METTL15: variants seen among roughly 807,000 people sequenced by gnomAD.
METTL15 encodes the protein methyltransferase 15, mitochondrial 12S rRNA N4-cytidine, also known as 12S rRNA N(4)-cytidine methyltransferase METTL15.
METTL15 carries 34 observed loss-of-function variants against 38.3 expected under a neutral mutation model. The ratio of observed to expected loss-of-function variants is 0.89; its 90% CI spans 0.68 to 1.18. METTL15 has a LOEUF of 1.18. Among genes scored for constraint, METTL15 ranks in the 50% most tolerant of loss-of-function variants. The pLI, the probability that METTL15 is intolerant of heterozygous loss-of-function variation, is 0.00. For synonymous variants in METTL15, 162 were observed against 170.9 expected (o/e 0.95, Z 0.41); for missense variants, 438 against 498.4 (o/e 0.88, Z 1.15).
chr11:28,426,485 G>C (rs1850865424), intron 6 of METTL15, among the ~76,000 whole-genome samples: 1 of 151,918 alleles, frequency 6.6e-6, no homozygotes, highest in Non-Finnish European at 1.5e-5. Context: ...CTCTGTCTTT[G>C]AGGAATCTCC....
At chr11:28,459,133 T>A (rs550376041) in intron 6 of METTL15, among the ~76,000 whole-genome samples, 1 of 152,252 alleles carries the variant, frequency 6.6e-6, no homozygotes, top group African/African-American at 2.4e-5. Context: ...GTCTTCCATA[T>A]CTTTTGGTAT....
rs936459244 is a variant in METTL15 at position 28,445,417 on chromosome 11, T to C, written c.*424+21053T>C. On this transcript the variant is annotated intron_variant and NMD_transcript_variant, in intron 6 of 7. Coordinates refer to the METTL15 transcript ENST00000532947. ...AAGATTTTCTCCTATATAAACATGG[T>C]ATAGTTATGAAATTCAGGAAACTGG... 2.6e-5 allele frequency among the ~76,000 whole-genome samples: 4 copies of C among 152,250 alleles called. No individual in the cohort carries two copies. In the East Asian group the frequency reaches 7.7e-4, roughly 29 times the overall value.
At chr11:28,203,986 T>C (rs543178762) in intron 3 of METTL15, among the ~76,000 whole-genome samples, 2 of 152,156 alleles carry the variant, frequency 1.3e-5, no homozygotes, top group South Asian at 4.1e-4. Flanking sequence ...TTATAACTAC[T>C]TTATATGGTC....
intron 6 of METTL15, among the ~76,000 whole-genome samples, chr11:28,446,828 T>C (rs917515369): frequency 4.6e-5 from 7 of 152,090 alleles, no homozygotes; most frequent in African/African-American, 1.7e-4. Flanking sequence ...TCTCTTTCCA[T>C]ACCCCTAATC....
rs113299145 is a variant in METTL15, at chr11:28,220,700, C to T, written c.407+9502C>T. 6.6e-5 allele frequency among the ~76,000 whole-genome samples: 10 copies of T among 152,174 alleles called. No individual in the cohort carries two copies. In the East Asian group the frequency reaches 1.2e-3, roughly 18 times the overall value. On this transcript the variant is annotated intron_variant, in intron 4 of 6. Coordinates refer to ENST00000407364, the MANE Select transcript of METTL15 (RefSeq NM_001113528.2). ...GGCATGTTTTTGCAGTGGCTGGTAC[C>T]GGTTGTTCGTTTCCATGTTTAGTGC...
chr11:28,143,808 G>A (rs1849784706), intron 3 of METTL15, among the ~76,000 whole-genome samples: 1 of 152,184 alleles, frequency 6.6e-6, no homozygotes, highest in South Asian at 2.1e-4. Context: ...CTTGATCGTT[G>A]AGTAGTTCCA....
chr11:28,235,369 G>T (rs1269135803), intron 4 of METTL15, among the ~76,000 whole-genome samples: 1 of 151,924 alleles, frequency 6.6e-6, no homozygotes, highest in Non-Finnish European at 1.5e-5. Flanking sequence ...TGATGGGGAT[G>T]GCATTGAATC....
chr11:28,268,263 T>C (rs1444642187), intron 4 of METTL15, among the ~76,000 whole-genome samples: 6 of 150,544 alleles, frequency 4.0e-5, no homozygotes, highest in Non-Finnish European at 8.9e-5. Context: ...AATAATTGTA[T>C]AATACTAGAA....
At chr11:28,247,675 C>T (rs375348188) in intron 4 of METTL15, among the ~76,000 whole-genome samples, 23 of 152,172 alleles carry the variant, frequency 1.5e-4, no homozygotes, top group African/African-American at 5.1e-4. Flanking sequence ...TTTACAAATA[C>T]GGAACTAAAA....
chr11:28,138,677 C>T (rs998134732), intron 3 of METTL15, among the ~76,000 whole-genome samples: 1 of 152,204 alleles, frequency 6.6e-6, no homozygotes, highest in Non-Finnish European at 1.5e-5. Context: ...GGAAAGTACT[C>T]ATTCCCTATG....
chr11:28,391,296 G>A (rs11493473), intron 5 of METTL15, among the ~76,000 whole-genome samples: 1 of 151,854 alleles, frequency 6.6e-6, no homozygotes, highest in Non-Finnish European at 1.5e-5. Context: ...GAGGGCATCC[G>A]TGTCTTGTGC....
chr11:28,461,388 A>C (rs557770066), intron 6 of METTL15, among the ~76,000 whole-genome samples: 66 of 152,100 alleles, frequency 4.3e-4, no homozygotes, highest in Non-Finnish European at 8.7e-4. Flanking sequence ...AACTGTATCC[A>C]TCTCTAGAAT....
At chr11:28,312,584 A>G (rs1359682668) in intron 6 of METTL15, among the ~76,000 whole-genome samples, 4 of 152,140 alleles carry the variant, frequency 2.6e-5, no homozygotes, top group Admixed American at 2.6e-4. Flanking sequence ...TTGTTGTGTT[A>G]GTCAATTTTG....
At chr11:28,216,722 C>T (rs1852894724) in intron 4 of METTL15, among the ~76,000 whole-genome samples, 1 of 118,904 alleles carries the variant, frequency 8.4e-6, no homozygotes, top group South Asian at 3.5e-4. Flanking sequence ...TCCCCCCACC[C>T]CACAACAGGC....
chr11:28,405,952 G>C (rs1385140600), intron 5 of METTL15, among the ~76,000 whole-genome samples: 1 of 152,092 alleles, frequency 6.6e-6, no homozygotes, highest in Non-Finnish European at 1.5e-5. Flanking sequence ...TCTCTATTCT[G>C]TTCCATTGGA....
chr11:28,409,443 C>G (rs1202029130), intron 5 of METTL15, among the ~76,000 whole-genome samples: 2 of 135,498 alleles, frequency 1.5e-5, no homozygotes, highest in Non-Finnish European at 3.2e-5. Context: ...TTTCTGATTA[C>G]AATGTTATGA....
In METTL15 at chr11:28,234,374, C is replaced by T. The variant is rs1324042781; in HGVS notation, c.407+23176C>T. On this transcript the variant is annotated intron_variant, in intron 4 of 6. Coordinates refer to ENST00000407364, the MANE Select transcript of METTL15 (RefSeq NM_001113528.2). ...TTCTAGTTCTAGATCCCTGAGGAAT[C>T]GCCACACTGACTTCCAAAATGGTTG... Among the ~76,000 whole-genome samples, 24 of 151,616 alleles carry T rather than the reference C, an allele frequency of 1.6e-4. No homozygotes were observed. In the East Asian group the frequency reaches 1.8e-3, roughly 11 times the overall value.
At chr11:28,347,749 A>T (rs1367258917) in intron 3 of METTL15, among the ~76,000 whole-genome samples, 1 of 152,188 alleles carries the variant, frequency 6.6e-6, no homozygotes, top group African/African-American at 2.4e-5. Flanking sequence ...ACACTTTTGA[A>T]AATGCTGTCT....
chr11:28,469,373 C>T (rs1429040073), intron 6 of METTL15, among the ~76,000 whole-genome samples: 1 of 152,144 alleles, frequency 6.6e-6, no homozygotes, highest in Non-Finnish European at 1.5e-5. Flanking sequence ...AGCTAATTAA[C>T]ATATCCATTC....
Sources: gnomAD v4.1 joint callset for allele counts (sites outside exome capture counted in the v4.1 genomes callset) on GRCh38, gnomAD v4.1.1 for gene constraint, MANE v1.5 for transcripts, NCBI Gene and HGNC (gene_info 2026-07-23, HGNC 2026-07-21) for gene names.